The following MYLK variants were observed in gnomAD, a reference collection of about 807,000 sequenced individuals.
The protein encoded by MYLK is myosin light chain kinase, smooth muscle.
A neutral mutation model predicts 203.4 loss-of-function variants in MYLK; 106 were observed. The observed-to-expected ratio is 0.52, with a 90% CI of 0.45 to 0.61. The LOEUF (loss-of-function observed/expected upper bound fraction) is 0.61. Among genes scored for constraint, MYLK ranks in the 20% least tolerant of loss-of-function variants. The pLI is 0.00. For synonymous variants in MYLK, 867 were observed against 959.5 expected, an observed-to-expected ratio of 0.90 and a Z score of 1.78; for missense variants, 2,072 against 2,442.3, an observed-to-expected ratio of 0.85 and a Z score of 3.20.
chr3:123,769,631 G>A (rs1248416445), intron 4 of MYLK, among the ~76,000 whole-genome samples: 1 of 152,094 alleles, frequency 6.6e-6, no homozygotes, highest in East Asian at 1.9e-4. Flanking sequence ...TGCTCTCACT[G>A]CACCCTGGGT....
chr3:123,682,664 T>C (rs7637909), intron 19 of MYLK, among the ~76,000 whole-genome samples: 13,144 of 152,216 alleles, frequency 0.086, 1,689 homozygotes, highest in African/African-American at 0.28. Flanking sequence ...TCAGGCCTTG[T>C]CTCCCTCATG....
chr3:123,653,178 C>A (rs1233065235), intron 24 of MYLK, among the ~76,000 whole-genome samples: 1 of 152,058 alleles, frequency 6.6e-6, no homozygotes, highest in Non-Finnish European at 1.5e-5. Context: ...TATGATCCCA[C>A]CCCATCTGCT....
chr3:123,692,621 G>C, intron 19 of MYLK, 114 bp downstream of exon 19: 1 of 911,310 alleles, frequency 1.1e-6, no homozygotes, highest in Non-Finnish European at 1.8e-6. Flanking sequence ...CTTTGGGTAG[G>C]GAGGGCAGTG....
At chr3:123,836,430 T>C (rs9873541) in intron 2 of MYLK, among the ~76,000 whole-genome samples, 1,965 of 152,274 alleles carry the variant, frequency 0.013, 45 homozygotes, top group African/African-American at 0.045. Flanking sequence ...TAATAACATA[T>C]TATACACACT....
intron 19 of MYLK, among the ~76,000 whole-genome samples, chr3:123,683,839 C>A (rs1294210381): frequency 9.2e-5 from 14 of 152,142 alleles, no homozygotes; most frequent in Admixed American, 9.2e-4. Flanking sequence ...GCCAAAGCAA[C>A]CCTTTCAAGT....
chr3:123,619,889 TAAG>T (rs1559968919), intron 32 of MYLK, among the ~76,000 whole-genome samples: 1 of 152,146 alleles, frequency 6.6e-6, no homozygotes, highest in Non-Finnish European at 1.5e-5. Context: ...ACTTTTGCCA[TAAG>T]AACAAAAGAA....
intron 13 of MYLK, among the ~76,000 whole-genome samples, chr3:123,711,070 G>A (rs2061672631): frequency 6.6e-6 from 1 of 151,574 alleles, no homozygotes; most frequent in African/African-American, 2.4e-5. Flanking sequence ...CAGCCTGGGA[G>A]ACAGAGCAAG....
chr3:123,746,375 A>G (rs1359291357), intron 5 of MYLK, among the ~76,000 whole-genome samples: 1 of 152,026 alleles, frequency 6.6e-6, no homozygotes. Context: ...GGAAAAGCCT[A>G]AATCTACCAA....
chr3:123,813,150 C>T (rs1195355200), intron 3 of MYLK, among the ~76,000 whole-genome samples: 1 of 152,218 alleles, frequency 6.6e-6, no homozygotes, highest in Non-Finnish European at 1.5e-5. Flanking sequence ...CTGATTTTTG[C>T]ACTAGCCATA....
intron 13 of MYLK, among the ~76,000 whole-genome samples, chr3:123,713,648 A>G (rs1323632857): frequency 6.7e-6 from 1 of 149,340 alleles, no homozygotes; most frequent in Admixed American, 6.8e-5. Flanking sequence ...TTCATTCCAA[A>G]GCCAAACAAA....
chr3:123,621,557 A>G (rs2057859942), intron 31 of MYLK: 2 of 152,258 alleles, frequency 1.3e-5, no homozygotes, highest in African/African-American at 4.8e-5. Context: ...AAGCTTCAGT[A>G]AAAAGACTGA....
At chr3:123,809,318 A>G (rs993698905) in intron 3 of MYLK, among the ~76,000 whole-genome samples, 3 of 152,178 alleles carry the variant, frequency 2.0e-5, no homozygotes, top group Non-Finnish European at 4.4e-5. Context: ...TGAGGTCAGG[A>G]GTTCGAGACA....
intron 15 of MYLK, 54 bp from the exon 16 acceptor site, chr3:123,708,057 T>C: frequency 6.2e-7 from 1 of 1,609,006 alleles, no homozygotes; most frequent in Non-Finnish European, 8.5e-7. Context: ...GCAGGCAGTG[T>C]CCACTCAATT....
At chr3:123,812,085 C>G (rs982803635) in intron 3 of MYLK, among the ~76,000 whole-genome samples, 1 of 152,046 alleles carries the variant, frequency 6.6e-6, no homozygotes, top group African/African-American at 2.4e-5. Context: ...AAAGCAGACC[C>G]CTGGGACTTC....
intron 3 of MYLK, among the ~76,000 whole-genome samples, chr3:123,829,666 AC>A (rs2066256571): frequency 6.6e-6 from 1 of 152,228 alleles, no homozygotes; most frequent in Admixed American, 6.5e-5. Context: ...AGATCTGATC[AC>A]CATATATTAA....
At chr3:123,839,090 C>T (rs2066535072) in intron 2 of MYLK, among the ~76,000 whole-genome samples, 1 of 151,588 alleles carries the variant, frequency 6.6e-6, no homozygotes, top group South Asian at 2.1e-4. Flanking sequence ...CGAGACTCCA[C>T]CTTAAACAAA....
chr3:123,732,813 G>C, intron 11 of MYLK, 83 bp downstream of exon 11: 1 of 1,368,356 alleles, frequency 7.3e-7, no homozygotes, highest in South Asian at 1.2e-5. Context: ...GGCTATAGGA[G>C]ATGAACCATC....
Position 123,793,780 on chromosome 3 carries a change from G to A in MYLK, c.62C>T (p.Pro21Leu), listed in dbSNP as rs28497577. Residue 21 changes from proline (P) to leucine (L), a missense_variant, in exon 4 of 34, where the codon CCC (proline) becomes CTC (leucine). This residue lies in a region of MYLK where 683 missense variants were observed against 643.8 expected (regional missense o/e 1.06). Coordinates refer to ENST00000360304, the MANE Select transcript of MYLK (RefSeq NM_053025.4). ...HISKTSLSVD[P>L]SRVDSMPLTE... Reference sequence around the variant, plus strand: ...CAGGGGCATGGAGTCAACTCTTGAGGGATCCACACTGAGGGAGGTTTTGGA... The same window carrying A: ...CAGGGGCATGGAGTCAACTCTTGAGAGATCCACACTGAGGGAGGTTTTGGA... 6.2e-7 allele frequency: 1 copy of A among 1,613,468 alleles called. No homozygotes were observed. Among genetic ancestry groups the A allele is most frequent in the Non-Finnish European group, 8.5e-7 (1 of 1,179,792 alleles).
In MYLK at chr3:123,700,001, A is replaced by G. The variant is rs2061116892; in HGVS notation, c.3448+19T>C. On this transcript the variant is annotated intron_variant, in intron 18 of 33. Transcript: ENST00000360304. ...CTGGTACAGAGGCCCCTTCTTCCCC[A>G]ACCCCCATGCTCATTTACCTTCCTG... 1.9e-6 allele frequency: 3 copies of G among 1,614,000 alleles called. No homozygotes were observed. In the East Asian group the frequency reaches 6.7e-5, roughly 36 times the overall value.
Sources: allele counts gnomAD v4.1 joint callset (sites outside exome capture counted in the v4.1 genomes callset), GRCh38; gene constraint gnomAD v4.1.1; regional missense constraint gnomAD v4.1.1; transcripts MANE v1.5; gene names NCBI Gene and HGNC (gene_info 2026-07-23, HGNC 2026-07-21).